ADGRL2: variants seen among roughly 807,000 people sequenced by gnomAD.
ADGRL2 encodes adhesion G protein-coupled receptor L2.
A neutral mutation model predicts 157.4 loss-of-function variants in ADGRL2; 44 were observed. That is an observed-to-expected ratio of 0.28 (90% CI 0.22 to 0.36). The LOEUF is 0.36. Ranked by LOEUF, ADGRL2 falls within the 10% of genes least tolerant of loss-of-function variation. ADGRL2 has a pLI of 1.00. For synonymous variants in ADGRL2, 585 were observed against 624.7 expected (o/e 0.94, Z 0.95); for missense variants, 1,510 against 1,768.9 (o/e 0.85, Z 2.63).
At chr1:81,785,571 A>T (rs2087003878) in intron 2 of ADGRL2, among the ~76,000 whole-genome samples, 1 of 151,976 alleles carries the variant, frequency 6.6e-6, no homozygotes, top group South Asian at 2.1e-4. Context: ...GTACAAAAAA[A>T]TTAAAAATCA....
chr1:81,418,266 C>T (rs530979746), intron 1 of ADGRL2, among the ~76,000 whole-genome samples: 1 of 152,318 alleles, frequency 6.6e-6, no homozygotes, highest in Admixed American at 6.5e-5. Flanking sequence ...TTAAAATATA[C>T]ACACTTCCAC....
chr1:81,500,230 T>C (rs1191330448), intron 2 of ADGRL2, among the ~76,000 whole-genome samples: 1 of 152,178 alleles, frequency 6.6e-6, no homozygotes, highest in East Asian at 1.9e-4. Flanking sequence ...GCAGCTACTG[T>C]GGAAATAGTA....
chr1:81,475,230 G>A (rs1465391948), intron 2 of ADGRL2, among the ~76,000 whole-genome samples: 1 of 152,098 alleles, frequency 6.6e-6, no homozygotes, highest in African/African-American at 2.4e-5. Context: ...ATGGGCATAA[G>A]TCATTACTGC....
intron 2 of ADGRL2, among the ~76,000 whole-genome samples, chr1:81,859,956 T>C (rs2093338495): frequency 6.6e-6 from 1 of 151,900 alleles, no homozygotes; most frequent in African/African-American, 2.4e-5. Flanking sequence ...CCAGGCGTGG[T>C]AGCTCACACC....
intron 1 of ADGRL2, among the ~76,000 whole-genome samples, chr1:81,384,404 G>A (rs1018846799): frequency 1.3e-5 from 2 of 152,046 alleles, no homozygotes; most frequent in African/African-American, 4.8e-5. Context: ...AGAAAGATAT[G>A]GAGGAAAAAA....
intron 8 of ADGRL2, among the ~76,000 whole-genome samples, 165 bp from the exon 9 acceptor site, chr1:81,951,792 A>T (rs1027632927): frequency 6.6e-6 from 1 of 152,002 alleles, no homozygotes; most frequent in African/African-American, 2.4e-5. Context: ...TTGATAATCT[A>T]AGAGCCTTGA....
At position 81,970,473 on chromosome 1, in the gene ADGRL2, C is replaced by A; in HGVS notation, c.2893C>A (p.Pro965Thr). The A allele has an allele frequency of 6.4e-7, 1 of 1,571,548 alleles. No individual in the cohort carries two copies. Among genetic ancestry groups the A allele is most frequent in the Non-Finnish European group, 8.6e-7 (1 of 1,165,976 alleles). The change falls in exon 16 of 24, where the codon CCT (proline) becomes ACT (threonine). Residue 965 changes from proline (P) to threonine (T), a missense_variant. Transcript: ENST00000686636. ...TTACTATGTTGCTGGTTACTTGTTT[C>A]CTGCCACAGTGGTTGGAGTTTCAGC... ...KYYYVAGYLF[P>T]ATVVGVSAAI...
At chr1:81,356,526 C>T (rs1304582037) in intron 1 of ADGRL2, among the ~76,000 whole-genome samples, 1 of 152,008 alleles carries the variant, frequency 6.6e-6, no homozygotes, top group African/African-American at 2.4e-5. Flanking sequence ...AGGTCTCATC[C>T]TCTTCTTTGT....
intron 3 of ADGRL2, among the ~76,000 whole-genome samples, chr1:81,591,639 A>C (rs2081135362): frequency 6.6e-6 from 1 of 152,178 alleles, no homozygotes; most frequent in Admixed American, 6.6e-5. Context: ...ACTTATGTTT[A>C]ACCAGCAGAA....
chr1:81,804,721 T>C (rs545668686), intron 1 of ADGRL2, among the ~76,000 whole-genome samples: 1 of 152,332 alleles, frequency 6.6e-6, no homozygotes, highest in South Asian at 2.1e-4. Context: ...TCTTTTGGGG[T>C]CCCTTCAGTG....
At chr1:81,905,230 T>G (rs2094562489) in intron 2 of ADGRL2, among the ~76,000 whole-genome samples, 1 of 151,886 alleles carries the variant, frequency 6.6e-6, no homozygotes, top group Non-Finnish European at 1.5e-5. Context: ...CCCTAGTAAC[T>G]GGGATTACAG....
intron 2 of ADGRL2, among the ~76,000 whole-genome samples, chr1:81,848,076 TTTC>T (rs1448017695): frequency 2.0e-5 from 3 of 151,918 alleles, no homozygotes; most frequent in Non-Finnish European, 4.4e-5. Flanking sequence ...AATCAAAGAT[TTTC>T]TTCTTCTTAG....
intron 2 of ADGRL2, among the ~76,000 whole-genome samples, chr1:81,511,849 T>A (rs1014008127): frequency 9.9e-5 from 15 of 152,028 alleles, no homozygotes; most frequent in African/African-American, 3.1e-4. Flanking sequence ...CCTTAGTGAA[T>A]CAACCAAGCA....
At chr1:81,651,457 A>AATGGTCTTTC (rs1006928844) in intron 3 of ADGRL2, among the ~76,000 whole-genome samples, 58 of 152,186 alleles carry the variant, frequency 3.8e-4, no homozygotes, top group Non-Finnish European at 1.8e-4. Context: ...ACTTGCTTAT[A>AATGGTCTTTC]ATGGTCTTTC....
chr1:81,888,838 T>A (rs141370725), intron 2 of ADGRL2, among the ~76,000 whole-genome samples: 1 of 152,198 alleles, frequency 6.6e-6, no homozygotes, highest in Non-Finnish European at 1.5e-5. Flanking sequence ...TGTGCTCACT[T>A]CATGTGTCTG....
intron 2 of ADGRL2, among the ~76,000 whole-genome samples, chr1:81,883,397 C>G (rs1248243518): frequency 6.6e-6 from 1 of 152,094 alleles, no homozygotes; most frequent in Non-Finnish European, 1.5e-5. Context: ...CTTCTCACAT[C>G]TACTTGCATG....
chr1:81,506,590 G>A (rs970446208), intron 2 of ADGRL2, among the ~76,000 whole-genome samples: 1 of 151,944 alleles, frequency 6.6e-6, no homozygotes, highest in African/African-American at 2.4e-5. Context: ...CACACCTGTG[G>A]TCTCAGCTAC....
chr1:81,784,468 C>T (rs988475105), intron 2 of ADGRL2, among the ~76,000 whole-genome samples: 1 of 152,186 alleles, frequency 6.6e-6, no homozygotes, highest in Non-Finnish European at 1.5e-5. Flanking sequence ...TGGCTCATGC[C>T]TGTAATCCCA....
At chr1:81,388,950 C>T (rs1187877714) in intron 1 of ADGRL2, among the ~76,000 whole-genome samples, 1 of 151,892 alleles carries the variant, frequency 6.6e-6, no homozygotes, top group African/African-American at 2.4e-5. Flanking sequence ...TTTTGCAGTC[C>T]CTTGTTTGAA....
Sources: gnomAD v4.1 joint callset for allele counts (sites outside exome capture counted in the v4.1 genomes callset) on GRCh38, gnomAD v4.1.1 for gene constraint, MANE v1.5 for transcripts, NCBI Gene and HGNC (gene_info 2026-07-23, HGNC 2026-07-21) for gene names.